GOLM1: variants seen among roughly 807,000 people sequenced by gnomAD.
The protein encoded by GOLM1 is golgi membrane protein 1.
Under a neutral mutation model 50.5 loss-of-function variants are expected in GOLM1, and 31 were observed. That is an observed-to-expected ratio of 0.61 (90% CI 0.46 to 0.83). The LOEUF is 0.83. GOLM1 is among the 40% of genes least tolerant of loss of function. GOLM1 has a pLI of 0.00. For synonymous variants in GOLM1, 178 were observed against 192.8 expected (o/e 0.92, Z 0.64); for missense variants, 491 against 501.3 (o/e 0.98, Z 0.20).
intron 4 of GOLM1, 83 bp downstream of exon 4, chr9:86,052,454 C>A (rs1418185622): frequency 8.9e-7 from 1 of 1,124,880 alleles, no homozygotes; most frequent in African/African-American, 1.5e-5. Flanking sequence ...ATAATGGAGA[C>A]CCACCTGGGC....
At chr9:86,054,045 T>G (rs188277134) in intron 3 of GOLM1, among the ~76,000 whole-genome samples, 1 of 152,112 alleles carries the variant, frequency 6.6e-6, no homozygotes, top group Admixed American at 6.5e-5. Flanking sequence ...GTCCACAGAG[T>G]CTATAAGCTT....
At chr9:86,093,833 C>G (rs1329163670) in intron 1 of GOLM1, among the ~76,000 whole-genome samples, 1 of 152,140 alleles carries the variant, frequency 6.6e-6, no homozygotes, top group Non-Finnish European at 1.5e-5. Flanking sequence ...TCATATAGGG[C>G]TTTAAATCAG....
At chr9:86,087,424 G>T (rs892369034) in intron 1 of GOLM1, among the ~76,000 whole-genome samples, 2 of 151,952 alleles carry the variant, frequency 1.3e-5, no homozygotes, top group African/African-American at 4.8e-5. Context: ...CTTCCTATTT[G>T]AATACATTTC....
In GOLM1 at chr9:86,086,315, G is replaced by T. The variant is rs192764806; in HGVS notation, c.-21-6974C>A. Among the ~76,000 whole-genome samples the T allele has an allele frequency of 6.6e-3, 998 of 151,144 alleles. 9 individuals are homozygous for T. The highest frequency in any genetic ancestry group is 0.023 in the African/African-American group (947 of 41,170). Reference sequence around the variant, plus strand: ...ATATCCTTCGCCCAGTTTTTGATGGGTTTTTTTTTCTTGTAACTTTAAGTT... The same window carrying T: ...ATATCCTTCGCCCAGTTTTTGATGGTTTTTTTTTTCTTGTAACTTTAAGTT... On this transcript the variant is annotated intron_variant, in intron 1 of 9. Transcript: ENST00000388712.
rs183610963 is a variant in GOLM1, at chr9:86,045,263, A to C, written c.467+1207T>G. Among the ~76,000 whole-genome samples the C allele has an allele frequency of 7.6e-3, 1,159 of 151,790 alleles. 8 individuals are homozygous for C. Among genetic ancestry groups the C allele is most frequent in the Non-Finnish European group, 0.014 (952 of 67,930 alleles). ...CTACTCAGGAGGCTGAGGCTGGAGA[A>C]CTGCTTGAACCTGGGAGGCAGAGGT... On this transcript the variant is annotated intron_variant, in intron 5 of 9. Transcript: ENST00000388712.
rs990628579 is a variant in GOLM1, at chr9:86,027,200, A to T, written c.*617T>A. ...TAAAAATGACAAGGGTTATTATACAAGTAGCCTTTTAAAAAATTCTCACAC... is the reference window on the plus strand; with the variant it reads ...TAAAAATGACAAGGGTTATTATACATGTAGCCTTTTAAAAAATTCTCACAC... On this transcript the variant is annotated 3_prime_UTR_variant, in exon 10 of 10. Coordinates refer to ENST00000388712, the MANE Select transcript of GOLM1 (RefSeq NM_016548.4). The T allele has an allele frequency of 1.0e-6, 1 of 985,092 alleles. No individual in the cohort carries two copies. The highest frequency in any genetic ancestry group is 1.7e-5 in the African/African-American group (1 of 57,252). 61.0% of individuals were successfully genotyped at this position (985,092 alleles called of 1,614,324 possible).
chr9:86,064,002 C>A (rs753369821), intron 3 of GOLM1, among the ~76,000 whole-genome samples: 1 of 152,206 alleles, frequency 6.6e-6, no homozygotes, highest in Non-Finnish European at 1.5e-5. Flanking sequence ...AATCAAACCA[C>A]GTCCTGAATC....
chr9:86,042,184 G>A lies in GOLM1; in HGVS notation c.468-1316C>T, dbSNP rs147990038. On this transcript the variant is annotated intron_variant, in intron 5 of 9. Coordinates refer to ENST00000388712, the MANE Select transcript of GOLM1 (RefSeq NM_016548.4). Reference sequence around the variant, plus strand: ...AATTGCTATTGCATTGCTTCAGCTTGCTGCCTGGATTTATTTTAAGAGTAT... The same window carrying A: ...AATTGCTATTGCATTGCTTCAGCTTACTGCCTGGATTTATTTTAAGAGTAT... Among the ~76,000 whole-genome samples, 1,341 of 152,344 alleles carry A rather than the reference G, an allele frequency of 8.8e-3. 22 individuals carry two copies. The highest frequency in any genetic ancestry group is 0.03 in the African/African-American group (1,258 of 41,584).
intron 5 of GOLM1, 48 bp from the exon 6 acceptor site, chr9:86,040,916 C>T: frequency 6.3e-7 from 1 of 1,584,142 alleles, no homozygotes. Flanking sequence ...ATGACTGTGT[C>T]TCTGCTGGAC....
rs1022747810 is a variant in GOLM1, at chr9:86,026,598, T to A, written c.*1219A>T. ...TTAGCATCTCAAATCCTGTGGATCCTCCTACTTACCCCTTAGAGAGCCTTA... is the reference window on the plus strand; with the variant it reads ...TTAGCATCTCAAATCCTGTGGATCCACCTACTTACCCCTTAGAGAGCCTTA... On this transcript the variant is annotated 3_prime_UTR_variant, in exon 10 of 10. Transcript: ENST00000388712. 1.7e-5 allele frequency: 17 copies of A among 976,400 alleles called. No homozygotes were observed. The highest frequency in any genetic ancestry group is 2.1e-5 in the Non-Finnish European group (17 of 821,734). The allele number at this position is 976,400 out of a possible 1,614,324, so 60.5% of individuals were successfully genotyped here.
intron 3 of GOLM1, among the ~76,000 whole-genome samples, chr9:86,067,554 C>T (rs980113394): frequency 3.9e-5 from 6 of 152,178 alleles, no homozygotes; most frequent in Non-Finnish European, 8.8e-5. Context: ...CCCTGAAATT[C>T]GGGGCAGCCT....
At chr9:86,060,620 G>C (rs987828991) in intron 3 of GOLM1, among the ~76,000 whole-genome samples, 10 of 151,910 alleles carry the variant, frequency 6.6e-5, no homozygotes, top group African/African-American at 2.2e-4. Context: ...AGCAGCTCAC[G>C]CCTGTAATCC....
At chr9:86,033,521 G>T in intron 8 of GOLM1, 126 bp from the exon 9 acceptor site, 1 of 644,988 alleles carries the variant, frequency 1.6e-6, no homozygotes, top group Non-Finnish European at 2.8e-6. Flanking sequence ...TGCCTCTCTG[G>T]AAATGGTAGG....
chr9:86,027,750 A>G lies in GOLM1; in HGVS notation c.*67T>C. 6.4e-7 allele frequency: 1 copy of G among 1,564,156 alleles called. No individual in the cohort carries two copies. Among genetic ancestry groups the G allele is most frequent in the Admixed American group, 2.0e-5 (1 of 50,498 alleles). ...GTACATTTCACAGTTTTCAGTATTC[A>G]GTCCCTCATGAACATTTTATAGTCA... On this transcript the variant is annotated 3_prime_UTR_variant, in exon 10 of 10. Coordinates refer to ENST00000388712, the MANE Select transcript of GOLM1 (RefSeq NM_016548.4).
At chr9:86,055,979 A>C (rs986022756) in intron 3 of GOLM1, among the ~76,000 whole-genome samples, 4 of 88,670 alleles carry the variant, frequency 4.5e-5, no homozygotes, top group Non-Finnish European at 9.3e-5. Flanking sequence ...AGTAAAAAAA[A>C]CAAAAACAAA....
chr9:86,026,728 T>C lies in GOLM1; in HGVS notation c.*1089A>G, dbSNP rs182850497. 5 of 982,216 alleles carry C rather than the reference T, an allele frequency of 5.1e-6. No individual in the cohort carries two copies. Among genetic ancestry groups the C allele is most frequent in the Non-Finnish European group, 4.8e-6 (4 of 827,022 alleles). 60.8% of individuals were successfully genotyped at this position (982,216 alleles called of 1,614,324 possible). On this transcript the variant is annotated 3_prime_UTR_variant, in exon 10 of 10. Coordinates refer to ENST00000388712, the MANE Select transcript of GOLM1 (RefSeq NM_016548.4). ...CAACTCAAGTCAAACCTTAATGCCA[T>C]TGTTATTGTGAATTAGGATTAAGTA...
intron 4 of GOLM1, 89 bp from the exon 5 acceptor site, chr9:86,046,661 C>T (rs1833555559): frequency 3.8e-6 from 3 of 781,524 alleles, no homozygotes; most frequent in Non-Finnish European, 6.8e-6. Flanking sequence ...ACTCACACAT[C>T]AGACCATAAA....
chr9:86,075,954 A>T (rs1233247462), intron 3 of GOLM1, among the ~76,000 whole-genome samples: 1 of 152,218 alleles, frequency 6.6e-6, no homozygotes, highest in Non-Finnish European at 1.5e-5. Context: ...CTGCAAATTA[A>T]ACAACAAAAA....
At chr9:86,033,204 T>C (rs1029149791) in intron 9 of GOLM1, 78 bp downstream of exon 9, 54 of 801,126 alleles carry the variant, frequency 6.7e-5, no homozygotes, top group Non-Finnish European at 1.1e-4. Flanking sequence ...TTTTGGGGAT[T>C]CATTGGATAA....
Sources: allele counts gnomAD v4.1 joint callset (sites outside exome capture counted in the v4.1 genomes callset), GRCh38; gene constraint gnomAD v4.1.1; transcripts MANE v1.5; gene names NCBI Gene and HGNC (gene_info 2026-07-23, HGNC 2026-07-21).